Variants in KLRG1 observed in about 807,000 individuals in gnomAD.
KLRG1 encodes killer cell lectin-like receptor subfamily G member 1.
In KLRG1, 16 loss-of-function variants were observed where a neutral mutation model predicts 21.8. The ratio of observed to expected loss-of-function variants is 0.73; its 90% confidence interval spans 0.50 to 1.11. KLRG1 has a LOEUF of 1.11. Among genes scored for constraint, KLRG1 ranks in the 50% most tolerant of loss-of-function variants. KLRG1 has a pLI of 0.00. For missense variants in KLRG1, 173 were observed against 218.3 expected (o/e 0.79, Z 1.31); for synonymous variants, 69 against 75.9 (o/e 0.91, Z 0.47).
the KLRG1 span, among the ~76,000 whole-genome samples, chr12:9,195,269 T>C: frequency 6.6e-6 from 1 of 152,150 alleles, no homozygotes; most frequent in Non-Finnish European, 1.5e-5. Context: ...TTAGAAGATA[T>C]TTGGTGTACG....
At chr12:9,059,917 C>G in the KLRG1 span, among the ~76,000 whole-genome samples, 1 of 151,090 alleles carries the variant, frequency 6.6e-6, no homozygotes, top group Non-Finnish European at 1.5e-5. Context: ...TGAACTCAAG[C>G]AATCCATCCG....
At chr12:9,036,187 T>C in the KLRG1 span, among the ~76,000 whole-genome samples, 1 of 152,216 alleles carries the variant, frequency 6.6e-6, no homozygotes. Context: ...GTAAAAAAAT[T>C]AGAAGAAGCT....
the KLRG1 span, chr12:9,148,954 A>G: frequency 6.2e-7 from 1 of 1,602,484 alleles, no homozygotes; most frequent in Non-Finnish European, 8.6e-7. Flanking sequence ...CCACCAAAAT[A>G]TACAGCCTGT....
the KLRG1 span, chr12:9,200,803 A>G: frequency 7.3e-7 from 1 of 1,371,852 alleles, no homozygotes; most frequent in African/African-American, 1.4e-5. Flanking sequence ...TGCAAGTTCA[A>G]CATATCTACA....
chr12:9,164,035 A>G, the KLRG1 span: 1 of 1,437,694 alleles, frequency 7.0e-7, no homozygotes, highest in African/African-American at 1.4e-5. Flanking sequence ...TTATAGAATT[A>G]TATCTATGGC....
intron 1 of KLRG1, among the ~76,000 whole-genome samples, chr12:8,955,445 C>T (rs1299223757): frequency 1.2e-4 from 15 of 122,546 alleles, no homozygotes; most frequent in Admixed American, 1.2e-3. Context: ...GGCTGGAGTG[C>T]GATGGTGCAA....
the KLRG1 span, chr12:9,152,246 T>G: frequency 6.2e-7 from 1 of 1,611,948 alleles, no homozygotes; most frequent in Non-Finnish European, 8.5e-7. Flanking sequence ...TTCAGGGGAA[T>G]AAAACCAGAT....
At chr12:9,045,157 G>A in the KLRG1 span, among the ~76,000 whole-genome samples, 1,538 of 152,208 alleles carry the variant, frequency 0.01, 25 homozygotes, top group African/African-American at 0.035. Context: ...CTGAAATACT[G>A]AAAATCAACA....
rs1389459636 is a variant in KLRG1 at position 9,010,308 on chromosome 12, G to GT, written c.*779dup. On this transcript the variant is annotated 3_prime_UTR_variant, in exon 5 of 5. Coordinates refer to ENST00000356986, the MANE Select transcript of KLRG1 (RefSeq NM_005810.4). ...CAAAAACCCGGTCTTAACTGATTTT[G>GT]TTTTTTTTCTGAGTATGCATATATG... The GT allele has an allele frequency of 1.5e-4, 49 of 324,976 alleles. No individual in the cohort carries two copies. The highest frequency in any genetic ancestry group is 1.6e-3 in the Middle Eastern group (2 of 1,230). The allele number at this position is 324,976 out of a possible 1,614,324, so 20.1% of individuals were successfully genotyped here.
At chr12:8,961,669 C>T (rs1946384239) in intron 1 of KLRG1, among the ~76,000 whole-genome samples, 2 of 152,172 alleles carry the variant, frequency 1.3e-5, no homozygotes, top group South Asian at 2.1e-4. Flanking sequence ...GATCTGTCTG[C>T]CTCGGCCTCC....
chr12:9,142,728 T>C, the KLRG1 span, among the ~76,000 whole-genome samples: 1 of 152,210 alleles, frequency 6.6e-6, no homozygotes, highest in African/African-American at 2.4e-5. Context: ...GGTGAGGCCC[T>C]TTAAGAACAG....
chr12:9,067,864 T>A, the KLRG1 span: 9 of 1,608,180 alleles, frequency 5.6e-6, no homozygotes, highest in African/African-American at 5.3e-5. Flanking sequence ...AGAAAAAAAA[T>A]TAAGACAGAT....
the KLRG1 span, chr12:9,090,591 T>A: frequency 8.8e-7 from 1 of 1,139,288 alleles, no homozygotes; most frequent in South Asian, 1.5e-5. Flanking sequence ...TGCCTCACAT[T>A]AAAGATGATA....
At chr12:9,200,698 CAAAGCG>C in the KLRG1 span, among the ~76,000 whole-genome samples, 1 of 152,120 alleles carries the variant, frequency 6.6e-6, no homozygotes, top group African/African-American at 2.4e-5. Context: ...TCATACTTGG[CAAAGCG>C]TAATTTGCTA....
At chr12:9,165,323 A>T in the KLRG1 span, 1 of 1,614,152 alleles carries the variant, frequency 6.2e-7, no homozygotes, top group Non-Finnish European at 8.5e-7. Context: ...CCACTCGGTG[A>T]TGGTGTCAGG....
the KLRG1 span, chr12:9,107,490 C>A: frequency 6.2e-7 from 1 of 1,610,936 alleles, no homozygotes; most frequent in South Asian, 1.1e-5. Context: ...ATGCCTTTAT[C>A]GCTATTCTCT....
chr12:8,992,610 G>C (rs930147519), intron 2 of KLRG1, among the ~76,000 whole-genome samples: 1 of 152,086 alleles, frequency 6.6e-6, no homozygotes, highest in Admixed American at 6.6e-5. Context: ...CTGCAGCCTT[G>C]ACCTCCTTAG....
At chr12:9,158,428 C>T in the KLRG1 span, 5 of 1,614,078 alleles carry the variant, frequency 3.1e-6, no homozygotes, top group East Asian at 2.2e-5. Flanking sequence ...ACCTTTATGG[C>T]ATTGTTGAGC....
rs376648645 is a variant in KLRG1 at position 8,957,647 on chromosome 12, C to T, written c.-156+7411C>T. Among the ~76,000 whole-genome samples, 59 of 152,112 alleles carry T rather than the reference C, an allele frequency of 3.9e-4. 1 individual carries two copies. Among genetic ancestry groups the T allele is most frequent in the African/African-American group, 1.3e-3 (53 of 41,488 alleles). ...TGCATAGCCAGCATTACTACTCTTG[C>T]GCTTTGTGGCCATTATTAAGTAAAA... On this transcript the variant is annotated intron_variant, in intron 1 of 4. Transcript: ENST00000539240.
Sources: gnomAD v4.1 joint callset for allele counts (sites outside exome capture counted in the v4.1 genomes callset) on GRCh38, gnomAD v4.1.1 for gene constraint, MANE v1.5 for transcripts, NCBI Gene and HGNC (gene_info 2026-07-23, HGNC 2026-07-21) for gene names.